CPAMD8: variants seen among roughly 807,000 people sequenced by gnomAD.
The protein encoded by CPAMD8 is C3 and PZP like alpha-2-macroglobulin domain containing 8.
CPAMD8 carries 146 observed loss-of-function variants against 224.7 expected under a neutral mutation model. The observed-to-expected ratio is 0.65, with a 90% CI of 0.57 to 0.75. The LOEUF (loss-of-function observed/expected upper bound fraction) is 0.75, where lower values mean the gene tolerates loss of function less well. Ranked by LOEUF, CPAMD8 falls within the 30% of genes least tolerant of loss-of-function variation. The pLI is 0.00. For missense variants in CPAMD8, 2,301 were observed against 2,537.5 expected (o/e 0.91, Z 2.00); for synonymous variants, 966 against 1,044.6 (o/e 0.92, Z 1.45).
chr19:16,925,759 T>C (rs1599714076), intron 25 of CPAMD8, among the ~76,000 whole-genome samples: 1 of 53,668 alleles, frequency 1.9e-5, no homozygotes, highest in South Asian at 6.8e-4. Context: ...TTCTAAAATA[T>C]TTTTTTTTTT....
chr19:16,902,783 G>T lies in CPAMD8; in HGVS notation c.4551C>A (p.Ala1517=), dbSNP rs747530647. 11 of 1,590,016 alleles carry T rather than the reference G, an allele frequency of 6.9e-6. No homozygotes were observed. In the South Asian group the frequency reaches 1.1e-4, roughly 16 times the overall value. Residue 1517 remains alanine (A), a synonymous_variant, in exon 35 of 42, where the codon GCC becomes GCA. Coordinates refer to ENST00000443236, the MANE Select transcript of CPAMD8 (RefSeq NM_015692.5). ...CAGGCATGGGGGGCGGGCGTCCCTGGGCCTCAGGCTCCTGGAGGCTTACGA... is the reference window on the plus strand; with the variant it reads ...CAGGCATGGGGGGCGGGCGTCCCTGTGCCTCAGGCTCCTGGAGGCTTACGA... ...QLLVSLQEPE[A]QGRPPPMPAS...
chr19:16,930,139 C>T (rs745626087), intron 23 of CPAMD8, among the ~76,000 whole-genome samples: 3 of 151,820 alleles, frequency 2.0e-5, no homozygotes, highest in Non-Finnish European at 4.4e-5. Context: ...CCTGTAATCC[C>T]GGCTACTCAG....
intron 7 of CPAMD8, among the ~76,000 whole-genome samples, chr19:17,006,225 G>T (rs1364401884): frequency 6.6e-6 from 1 of 152,130 alleles, no homozygotes; most frequent in Non-Finnish European, 1.5e-5. Flanking sequence ...GCCTCCCAAA[G>T]TGCTGGCATT....
intron 17 of CPAMD8, among the ~76,000 whole-genome samples, chr19:16,972,869 A>C (rs149736990): frequency 1.3e-5 from 2 of 152,344 alleles, no homozygotes; most frequent in East Asian, 3.9e-4. Flanking sequence ...ACAAAAAACA[A>C]AACACAAAGG....
In CPAMD8 at chr19:16,987,152, C is replaced by CAAAAAAAA. The variant is rs1214757739; in HGVS notation, c.1395+2483_1395+2490dup. Reference sequence around the variant, plus strand: ...CCAGCCTGGGAGACAGAGACTCTGTCAAAAAAAAAAAAAAAAAAAAAAAAA... The same window carrying CAAAAAAAA: ...CCAGCCTGGGAGACAGAGACTCTGTCAAAAAAAAAAAAAAAAAAAAAAAAAAAAAAAAA... On this transcript the variant is annotated intron_variant, in intron 13 of 41. Coordinates refer to ENST00000443236, the MANE Select transcript of CPAMD8 (RefSeq NM_015692.5). Among the ~76,000 whole-genome samples the CAAAAAAAA allele has an allele frequency of 1.3e-3, 29 of 23,006 alleles. 2 individuals are homozygous for CAAAAAAAA. Among genetic ancestry groups the CAAAAAAAA allele is most frequent in the Admixed American group, 2.7e-3 (3 of 1,132 alleles). 15.1% of individuals were successfully genotyped at this position (23,006 alleles called of 152,430 possible). A position where few individuals can be genotyped will look rare whatever the true frequency, so the allele number is the denominator to read the frequency against.
chr19:16,977,393 G>A lies in CPAMD8; in HGVS notation c.1733C>T (p.Ala578Val), dbSNP rs2055318036. The change falls in exon 15 of 42, where the codon GCA (alanine) becomes GTA (valine). Residue 578 changes from alanine (A) to valine (V), a missense_variant. Physicochemically the swap from Ala to Val is moderately conservative, Grantham distance 64. Around this residue, in one of 4 missense-constraint regions of CPAMD8, gnomAD observed 301 missense variants for 406.6 expected, o/e 0.74. Transcript: ENST00000443236. ...GEGVADSLQFAVETFFENQVS... is the reference protein window; with the variant it reads ...GEGVADSLQFVVETFFENQVS... ...CTGGTTTTCGAAGAAGGTCTCGACT[G>A]CAAACTGAAGGCTGTCGGCGACCCC... The A allele has an allele frequency of 2.5e-6, 4 of 1,611,988 alleles. No individual in the cohort carries two copies. Among genetic ancestry groups the A allele is most frequent in the Non-Finnish European group, 3.4e-6 (4 of 1,179,132 alleles).
chr19:16,957,188 C>A (rs1365507455), intron 19 of CPAMD8, among the ~76,000 whole-genome samples: 3 of 152,184 alleles, frequency 2.0e-5, no homozygotes. Context: ...CAGCTGCGTG[C>A]CTGGCTCTGC....
At chr19:16,893,461 A>T in intron 41 of CPAMD8, 122 bp from the exon 42 acceptor site, 2 of 653,674 alleles carry the variant, frequency 3.1e-6, no homozygotes, top group Non-Finnish European at 5.2e-6. Context: ...CCCACCGGCC[A>T]GGGCAGCCTC....
intron 11 of CPAMD8, among the ~76,000 whole-genome samples, chr19:16,995,774 G>C (rs371264994): frequency 5.3e-5 from 8 of 152,240 alleles, no homozygotes; most frequent in African/African-American, 1.9e-4. Flanking sequence ...CAGCACTTTG[G>C]GGGTCTGAGG....
At chr19:16,928,769 G>GTT (rs140892830) in intron 24 of CPAMD8, among the ~76,000 whole-genome samples, 173 bp downstream of exon 24, 477 of 127,878 alleles carry the variant, frequency 3.7e-3, no homozygotes, top group African/African-American at 0.012. Context: ...CTTGCTACAT[G>GTT]TTTTTTTTTT....
chr19:16,996,042 C>T (rs1470745809), intron 11 of CPAMD8, among the ~76,000 whole-genome samples: 1 of 151,994 alleles, frequency 6.6e-6, no homozygotes, highest in Non-Finnish European at 1.5e-5. Flanking sequence ...CCCAGCTACT[C>T]TGGAGGCTGA....
At chr19:16,943,314 C>A (rs549387131) in intron 22 of CPAMD8, among the ~76,000 whole-genome samples, 9 of 152,286 alleles carry the variant, frequency 5.9e-5, no homozygotes, top group African/African-American at 2.2e-4. Flanking sequence ...CCGTGCCCGG[C>A]CTGTGTCTGT....
intron 13 of CPAMD8, among the ~76,000 whole-genome samples, chr19:16,986,644 C>T (rs2055731823): frequency 6.6e-6 from 1 of 152,016 alleles, no homozygotes; most frequent in Admixed American, 6.5e-5. Flanking sequence ...CCAGGGGCCT[C>T]GATATGATCA....
At chr19:16,904,176 A>ACGCCCCCC in intron 32 of CPAMD8, 50 bp downstream of exon 32, 30 of 937,332 alleles carry the variant, frequency 3.2e-5, no homozygotes, top group Non-Finnish European at 4.2e-5. Flanking sequence ...GACTGCAGGG[A>ACGCCCCCC]CCCCACCCAC....
In CPAMD8 at chr19:16,997,148, C is replaced by G; in HGVS notation, c.1058G>C (p.Arg353Thr). ...GGCCAGGCCCGGCTTGAACTGCTTC[C>G]TCGTGTCCTTGGAGTACCGGATGTC... ...LVDIRYSKDT[R>T]KQFKPGLAYV... Residue 353 changes from arginine to threonine, a missense_variant, in exon 11 of 42, where the codon AGG becomes ACG. Physicochemically the swap from Arg to Thr is moderately conservative, Grantham distance 71. Coordinates refer to ENST00000443236, the MANE Select transcript of CPAMD8 (RefSeq NM_015692.5). The G allele has an allele frequency of 1.2e-6, 2 of 1,609,558 alleles. No individual in the cohort carries two copies. Among genetic ancestry groups the G allele is most frequent in the Non-Finnish European group, 1.7e-6 (2 of 1,175,992 alleles).
chr19:16,908,570 T>C (rs999821530), intron 29 of CPAMD8, among the ~76,000 whole-genome samples: 32 of 152,098 alleles, frequency 2.1e-4, no homozygotes, highest in African/African-American at 7.5e-4. Context: ...AATAATATTA[T>C]GTGGAAGAAA....
At chr19:16,961,474 C>T (rs1177677413) in intron 18 of CPAMD8, among the ~76,000 whole-genome samples, 2 of 152,248 alleles carry the variant, frequency 1.3e-5, no homozygotes, top group African/African-American at 4.8e-5. Context: ...GGGTGCCCAC[C>T]ATTGCTGAGG....
intron 22 of CPAMD8, 81 bp from the exon 23 acceptor site, chr19:16,938,527 C>G (rs866966408): frequency 1.4e-6 from 1 of 737,046 alleles, no homozygotes. Context: ...GGCTCTCCCA[C>G]AGCAATGACT....
Position 16,999,982 on chromosome 19 carries a change from T to A in CPAMD8, c.867+432A>T, listed in dbSNP as rs1017388820. ...TGTGAGCCACCATGCCCAGCCAAATTGGTGTTTTTTTAACTTTACTTACAA... is the reference window on the plus strand; with the variant it reads ...TGTGAGCCACCATGCCCAGCCAAATAGGTGTTTTTTTAACTTTACTTACAA... On this transcript the variant is annotated intron_variant, in intron 10 of 41. Transcript: ENST00000443236. Among the ~76,000 whole-genome samples, 23 of 152,226 alleles carry A rather than the reference T, an allele frequency of 1.5e-4. No homozygotes were observed. In the East Asian group the frequency reaches 3.9e-3, roughly 26 times the overall value.
Sources: allele counts gnomAD v4.1 joint callset (sites outside exome capture counted in the v4.1 genomes callset), GRCh38; gene constraint gnomAD v4.1.1; regional missense constraint gnomAD v4.1.1; transcripts MANE v1.5; gene names NCBI Gene and HGNC (gene_info 2026-07-23, HGNC 2026-07-21).